The following TRABD2B variants were observed in gnomAD, a reference collection of about 807,000 sequenced individuals.
TRABD2B encodes the protein metalloprotease TIKI2.
Under a neutral mutation model 40.1 loss-of-function variants are expected in TRABD2B, and 14 were observed. That is an observed-to-expected ratio of 0.35 (90% CI 0.23 to 0.55). The LOEUF (loss-of-function observed/expected upper bound fraction) is 0.55, where lower values mean the gene tolerates loss of function less well. Ranked by LOEUF, TRABD2B falls within the 20% of genes least tolerant of loss-of-function variation. TRABD2B has a pLI of 0.90. For missense variants in TRABD2B, 541 were observed against 648.6 expected (o/e 0.83, Z 1.80); for synonymous variants, 263 against 277.0 (o/e 0.95, Z 0.50).
intron 2 of TRABD2B, among the ~76,000 whole-genome samples, chr1:47,878,913 A>G (rs77289233): frequency 0.017 from 2,539 of 152,092 alleles, 32 homozygotes; most frequent in Non-Finnish European, 0.026. Context: ...CTTGCACAAC[A>G]TAGTGAGACC....
chr1:47,929,510 T>A (rs992721275), intron 2 of TRABD2B, among the ~76,000 whole-genome samples: 2 of 152,218 alleles, frequency 1.3e-5, no homozygotes, highest in Admixed American at 6.5e-5. Flanking sequence ...AGACATTGCA[T>A]CAGCACTTGC....
At chr1:47,942,548 G>A (rs1645202094) in intron 2 of TRABD2B, among the ~76,000 whole-genome samples, 1 of 152,122 alleles carries the variant, frequency 6.6e-6, no homozygotes, top group African/African-American at 2.4e-5. Context: ...GACACTCTCA[G>A]GACATCCCTC....
In TRABD2B at chr1:47,868,151, T is replaced by C. The variant is rs143584094; in HGVS notation, c.667-66532A>G. Among the ~76,000 whole-genome samples, 10 of 152,328 alleles carry C rather than the reference T, an allele frequency of 6.6e-5. 1 individual carries two copies. In the East Asian group the frequency reaches 1.9e-3, roughly 29 times the overall value. ...GCAACTCAGAAGTCCCAAAGCACCATTCGCATTTGGTGTCTAGAGGGACAG... is the reference window on the plus strand; with the variant it reads ...GCAACTCAGAAGTCCCAAAGCACCACTCGCATTTGGTGTCTAGAGGGACAG... On this transcript the variant is annotated intron_variant, in intron 2 of 6. Transcript: ENST00000606738.
In TRABD2B at chr1:47,765,953, G is replaced by A. The variant is rs563082206; in HGVS notation, c.1503C>T (p.Ile501=). Reference sequence around the variant, plus strand: ...GGAAGCAGACAGCGATGGTGGTGGCGATGGCGGGGAGAAGGCCCAGGGTGG... The same window carrying A: ...GGAAGCAGACAGCGATGGTGGTGGCAATGGCGGGGAGAAGGCCCAGGGTGG... The part of the protein sequence containing the change: ...SAPTLGLLPA[I]ATTIAVCFLL... Residue 501 remains isoleucine (I), a synonymous_variant, in exon 7 of 7, where the codon ATC becomes ATT. Coordinates refer to ENST00000606738, the MANE Select transcript of TRABD2B (RefSeq NM_001194986.2). 303 of 702,938 alleles carry A rather than the reference G, an allele frequency of 4.3e-4. No homozygotes were observed. Among genetic ancestry groups the A allele is most frequent in the Non-Finnish European group, 7.0e-4 (270 of 384,956 alleles). 43.5% of individuals were successfully genotyped at this position (702,938 alleles called of 1,614,324 possible). A position where few individuals can be genotyped will look rare whatever the true frequency, so the allele number is the denominator to read the frequency against.
chr1:47,948,805 C>T (rs1268770565), intron 2 of TRABD2B, among the ~76,000 whole-genome samples: 1 of 152,180 alleles, frequency 6.6e-6, no homozygotes, highest in East Asian at 1.9e-4. Flanking sequence ...GTTCCTTACA[C>T]CCGCCACTTC....
intron 2 of TRABD2B, among the ~76,000 whole-genome samples, chr1:47,916,588 A>C (rs1487490821): frequency 6.6e-6 from 1 of 152,240 alleles, no homozygotes; most frequent in Non-Finnish European, 1.5e-5. Context: ...AGTAAGAAAT[A>C]ACATCTCACA....
intron 2 of TRABD2B, among the ~76,000 whole-genome samples, chr1:47,946,102 C>A (rs1026883120): frequency 1.3e-5 from 2 of 152,164 alleles, no homozygotes; most frequent in Non-Finnish European, 1.5e-5. Flanking sequence ...TACTGTAGTA[C>A]TCCACTGTAC....
chr1:47,935,719 A>G (rs1018506103), intron 2 of TRABD2B, among the ~76,000 whole-genome samples: 4 of 152,252 alleles, frequency 2.6e-5, no homozygotes, highest in Admixed American at 1.3e-4. Flanking sequence ...TTTAAATACC[A>G]TATCTCATCA....
At chr1:47,775,052 A>G in intron 6 of TRABD2B, 118 bp downstream of exon 6, 1 of 1,040,918 alleles carries the variant, frequency 9.6e-7, no homozygotes, top group Non-Finnish European at 1.2e-6. Flanking sequence ...GCCACCTGCC[A>G]CACTTCCTTA....
intron 6 of TRABD2B, among the ~76,000 whole-genome samples, chr1:47,771,892 T>A (rs1205988948): frequency 1.3e-5 from 2 of 152,190 alleles, no homozygotes; most frequent in East Asian, 3.9e-4. Context: ...CCAGGTGGCA[T>A]CCGGGACAGG....
rs1392059970 is a variant in TRABD2B, at chr1:47,994,513, G to C, written c.187C>G (p.Arg63Gly). The change falls in exon 2 of 7, where the codon CGC (arginine) becomes GGC (glycine). Residue 63 changes from arginine (R) to glycine (G), a missense_variant. Physicochemically the swap from Arg to Gly is moderately radical, Grantham distance 125 (BLOSUM62 -2). This residue lies in a region of TRABD2B where 369 missense variants were observed against 492.8 expected (regional missense o/e 0.75). Transcript: ENST00000606738. The surrounding 1 kb of genome is among the most constrained non-coding windows in gnomAD (Gnocchi z 6.7). ...LFGTIHVPYT[R>G]VWDFIPDNSK... The stretch of plus-strand genomic sequence containing the variant: ...TTGTCCGGGATGAAGTCCCAGACGC[G>C]GGTGTAGGGGACGTGAATAGTGCCA... The C allele has an allele frequency of 1.3e-6, 2 of 1,536,034 alleles. No homozygotes were observed. Among genetic ancestry groups the C allele is most frequent in the Non-Finnish European group, 1.7e-6 (2 of 1,146,926 alleles).
intron 2 of TRABD2B, among the ~76,000 whole-genome samples, chr1:47,866,948 C>T (rs2124575329): frequency 6.6e-6 from 1 of 152,312 alleles, no homozygotes; most frequent in East Asian, 1.9e-4. Flanking sequence ...CATTCTCAGG[C>T]CCTGTCACAG....
rs764444049 is a variant in TRABD2B, at chr1:47,994,236, G to A, written c.464C>T (p.Ala155Val). Residue 155 changes from alanine (A) to valine (V), a missense_variant, in exon 2 of 7, where the codon GCG becomes GTG. Physicochemically the swap from Ala to Val is moderately conservative, Grantham distance 64 (BLOSUM62 0). Around this residue, in one of 2 missense-constraint regions of TRABD2B, gnomAD observed 369 missense variants for 492.8 expected, o/e 0.75. Coordinates refer to ENST00000606738, the MANE Select transcript of TRABD2B (RefSeq NM_001194986.2). The surrounding 1 kb of genome is among the most constrained non-coding windows in gnomAD (Gnocchi z 6.7). ...LYADYLFNAI[A>V]GNWERKRPVW... The stretch of plus-strand genomic sequence containing the variant: ...GGGCCTCTTGCGCTCCCAGTTGCCC[G>A]CGATGGCATTGAATAGGTAGTCAGC... 100 of 1,543,184 alleles carry A rather than the reference G, an allele frequency of 6.5e-5. No individual in the cohort carries two copies. The Admixed American group carries it at 1.1e-3, about 18-fold the overall frequency.
Position 47,794,708 on chromosome 1 carries a change from T to C in TRABD2B, c.866A>G (p.Gln289Arg). The change falls in exon 4 of 7, where the codon CAG becomes CGG. Residue 289 changes from glutamine to arginine, a missense_variant. Physicochemically the swap from Gln to Arg is conservative, Grantham distance 43. Around this residue, in one of 2 missense-constraint regions of TRABD2B, gnomAD observed 369 missense variants for 492.8 expected, o/e 0.75. Coordinates refer to ENST00000606738, the MANE Select transcript of TRABD2B (RefSeq NM_001194986.2). The stretch of plus-strand genomic sequence containing the variant: ...CTGGCGGAAGTAGCTGTCAATCTCC[T>C]GGGCCGTCACCTGCTCGTGTGGCGG... ...TLPPHEQVTA[Q>R]EIDSYFRQEL... The C allele has an allele frequency of 6.5e-7, 1 of 1,535,174 alleles. No individual in the cohort carries two copies. Among genetic ancestry groups the C allele is most frequent in the Middle Eastern group, 1.7e-4 (1 of 5,988 alleles).
intron 2 of TRABD2B, among the ~76,000 whole-genome samples, chr1:47,810,144 G>A (rs924845942): frequency 3.1e-5 from 4 of 128,378 alleles, no homozygotes; most frequent in African/African-American, 9.1e-5. Flanking sequence ...TAGGGTGTGT[G>A]TGTGTGTGTG....
intron 2 of TRABD2B, among the ~76,000 whole-genome samples, chr1:47,990,057 A>T (rs937814076): frequency 6.6e-6 from 1 of 152,252 alleles, no homozygotes; most frequent in African/African-American, 2.4e-5. Context: ...ACAAAACTCA[A>T]TAAATGGTAT....
chr1:47,893,326 T>C (rs1644475285), intron 2 of TRABD2B, among the ~76,000 whole-genome samples: 1 of 152,130 alleles, frequency 6.6e-6, no homozygotes, highest in Admixed American at 6.5e-5. Flanking sequence ...CAGAGTGCAT[T>C]CACAGAACCT....
At chr1:47,885,210 C>T (rs955669100) in intron 2 of TRABD2B, among the ~76,000 whole-genome samples, 9 of 152,310 alleles carry the variant, frequency 5.9e-5, no homozygotes, top group Admixed American at 5.9e-4. Context: ...TTGCCTGTAC[C>T]TAAAACACTC....
intron 2 of TRABD2B, among the ~76,000 whole-genome samples, chr1:47,937,330 CCAT>C (rs1276221906): frequency 4.1e-5 from 6 of 147,846 alleles, no homozygotes; most frequent in African/African-American, 1.2e-4. Context: ...ATCACCACCA[CCAT>C]CATGATCATC....
Sources: allele counts gnomAD v4.1 joint callset (sites outside exome capture counted in the v4.1 genomes callset), GRCh38; gene constraint gnomAD v4.1.1; regional missense constraint gnomAD v4.1.1; non-coding constraint Gnocchi (gnomAD v3.1); transcripts MANE v1.5; gene names NCBI Gene and HGNC (gene_info 2026-07-23, HGNC 2026-07-21).